The following AGO1 variants were observed in gnomAD, a reference collection of about 807,000 sequenced individuals.
The protein encoded by AGO1 is argonaute RISC component 1.
A neutral mutation model predicts 109.2 loss-of-function variants in AGO1; 11 were observed. The ratio of observed to expected loss-of-function variants is 0.10; its 90% CI spans 0.06 to 0.17. The LOEUF is 0.17. Among genes scored for constraint, AGO1 ranks in the 10% least tolerant of loss-of-function variants. The probability of loss-of-function intolerance (pLI) is 1.00; values close to 1 mark genes in which losing one functional copy is unlikely to be tolerated. For synonymous variants in AGO1, 422 were observed against 418.6 expected, an observed-to-expected ratio of 1.01 and a Z score of -0.10; for missense variants, 574 against 1,140.3, an observed-to-expected ratio of 0.50 and a Z score of 7.15.
At position 35,927,481 on chromosome 1, in the gene AGO1, G is replaced by C. The variant is rs1329790878; in HGVS notation, c.*7874G>C. ...TAATTCTGGGAAGGAAATGCTGACAGAACCGTGTCTGGCAAAAGAGAGACA... is the reference window on the plus strand; with the variant it reads ...TAATTCTGGGAAGGAAATGCTGACACAACCGTGTCTGGCAAAAGAGAGACA... On this transcript the variant is annotated 3_prime_UTR_variant, in exon 19 of 19. Transcript: ENST00000373204. The C allele has an allele frequency of 6.6e-6, 1 of 152,132 alleles. No individual in the cohort carries two copies. Among genetic ancestry groups the C allele is most frequent in the Non-Finnish European group, 1.5e-5 (1 of 68,022 alleles). 9.4% of individuals were successfully genotyped at this position (152,132 alleles called of 1,614,324 possible). A position where few individuals can be genotyped will look rare whatever the true frequency, so the allele number is the denominator to read the frequency against.
intron 12 of AGO1, among the ~76,000 whole-genome samples, chr1:35,911,125 C>G (rs755524383): frequency 6.6e-6 from 1 of 152,074 alleles, no homozygotes; most frequent in East Asian, 1.9e-4. Flanking sequence ...GTCCTTTGAA[C>G]ATGTATAACC....
At chr1:35,881,466 G>T (rs1645036265), upstream of AGO1, among the ~76,000 whole-genome samples, 1 of 152,146 alleles carries the variant, frequency 6.6e-6, no homozygotes. Context: ...GATTACAGGT[G>T]TCTGCCACAA....
At chr1:35,914,097 AG>A in intron 13 of AGO1, 86 bp from the exon 14 acceptor site, 1 of 1,594,564 alleles carries the variant, frequency 6.3e-7, no homozygotes, top group South Asian at 1.1e-5. Flanking sequence ...ATCAGACATA[AG>A]GGGGAGAAGA....
intron 1 of AGO1, among the ~76,000 whole-genome samples, chr1:35,886,899 AGTCTAG>A (rs1167089069): frequency 6.6e-6 from 1 of 152,204 alleles, no homozygotes; most frequent in African/African-American, 2.4e-5. Flanking sequence ...TGAAGAACTC[AGTCTAG>A]GGCAGTGAAG....
intron 12 of AGO1, among the ~76,000 whole-genome samples, chr1:35,909,204 A>C: frequency 6.6e-6 from 1 of 152,196 alleles, no homozygotes; most frequent in East Asian, 1.9e-4. Flanking sequence ...TATTCACTGC[A>C]TGAAGGGTTT....
Position 35,888,596 on chromosome 1 carries a change from C to T in AGO1, c.195C>T (p.Pro65=), listed in dbSNP as rs1321314626. The part of the protein sequence containing the change: ...YEVDIKPDKC[P]RRVNREVVEY... ...TGGACATCAAGCCGGATAAGTGTCC[C>T]CGTAGAGTCAACCGGTAAGTGATGC... Residue 65 remains proline, a synonymous_variant, in exon 2 of 19, where the codon CCC becomes CCT. Transcript: ENST00000373204. This position sits in a 1 kb window ranked among gnomAD's most constrained non-coding sequence, Gnocchi z 4.1. The T allele has an allele frequency of 3.1e-6, 5 of 1,614,186 alleles. No individual in the cohort carries two copies. In the South Asian group the frequency reaches 5.5e-5, roughly 18 times the overall value.
chr1:35,928,811 G>A lies in AGO1; in HGVS notation c.*9204G>A, dbSNP rs185134170. 7.7e-4 allele frequency: 117 copies of A among 152,266 alleles called. 1 individual carries two copies. The highest frequency in any genetic ancestry group is 2.6e-3 in the African/African-American group (108 of 41,548). The allele number at this position is 152,266 out of a possible 1,614,324, so 9.4% of individuals were successfully genotyped here. A position where few individuals can be genotyped will look rare whatever the true frequency, so the allele number is the denominator to read the frequency against. On this transcript the variant is annotated 3_prime_UTR_variant, in exon 19 of 19. Coordinates refer to ENST00000373204, the MANE Select transcript of AGO1 (RefSeq NM_012199.5). ...TTTATACTTTTGTATCATATTTTAGGAAATTTTGCACTGGGTATTTGATGG... is the reference window on the plus strand; with the variant it reads ...TTTATACTTTTGTATCATATTTTAGAAAATTTTGCACTGGGTATTTGATGG...
At position 35,925,013 on chromosome 1, in the gene AGO1, GAA is replaced by G. The variant is rs1006832383; in HGVS notation, c.*5408_*5409del. On this transcript the variant is annotated 3_prime_UTR_variant, in exon 19 of 19. Coordinates refer to ENST00000373204, the MANE Select transcript of AGO1 (RefSeq NM_012199.5). ...GAGAAACTAGTATACAGCCCCCTAA[GAA>G]ACTCAATTTAAAGGTTCGGGGGAGG... The G allele has an allele frequency of 7.9e-5, 12 of 152,108 alleles. No homozygotes were observed. The highest frequency in any genetic ancestry group is 2.7e-4 in the African/African-American group (11 of 41,390). 9.4% of individuals were successfully genotyped at this position (152,108 alleles called of 1,614,324 possible). A position where few individuals can be genotyped will look rare whatever the true frequency, so the allele number is the denominator to read the frequency against.
chr1:35,903,299 C>G (rs1438054733), intron 11 of AGO1, among the ~76,000 whole-genome samples: 1 of 140,308 alleles, frequency 7.1e-6, no homozygotes, highest in African/African-American at 2.9e-5. Context: ...AGCCACTGTG[C>G]CCGGCCTTTT....
intron 12 of AGO1, among the ~76,000 whole-genome samples, chr1:35,911,029 G>A (rs1211070609): frequency 6.6e-6 from 1 of 152,144 alleles, no homozygotes; most frequent in African/African-American, 2.4e-5. Context: ...TCGTGCCACT[G>A]CACTCCAGCC....
rs1645889020 is a variant in AGO1 at position 35,924,405 on chromosome 1, G to A, written c.*4798G>A. The A allele has an allele frequency of 6.6e-6, 1 of 152,410 alleles. No individual in the cohort carries two copies. The highest frequency in any genetic ancestry group is 2.4e-5 in the African/African-American group (1 of 41,404). 9.4% of individuals were successfully genotyped at this position (152,410 alleles called of 1,614,324 possible). On this transcript the variant is annotated 3_prime_UTR_variant, in exon 19 of 19. Coordinates refer to ENST00000373204, the MANE Select transcript of AGO1 (RefSeq NM_012199.5). The stretch of plus-strand genomic sequence containing the variant: ...AATAATACTGTAGATTGTTATGCAG[G>A]AATACTTCACAGAGCCTTCATTTAT...
At position 35,901,591 on chromosome 1, in the gene AGO1, C is replaced by T. The variant is rs780563736; in HGVS notation, c.1138C>T (p.Leu380=). 1.2e-6 allele frequency: 2 copies of T among 1,614,134 alleles called. No individual in the cohort carries two copies. Among genetic ancestry groups the T allele is most frequent in the South Asian group, 1.1e-5 (1 of 91,068 alleles). ...APDRQEEISR[L]MKNASYNLDP... ...AGACAGACAGGAGGAGATCAGTCGC[C>T]TGGTCAGTGGGCCTACTCATTTGCT... The change falls in exon 9 of 19, where the codon CTG becomes TTG. Residue 380 remains leucine (L), a splice_region_variant and synonymous_variant. Transcript: ENST00000373204. The surrounding 1 kb of genome is among the most constrained non-coding windows in gnomAD (Gnocchi z 4.8).
At chr1:35,880,861 T>C (rs1571335294), upstream of AGO1, among the ~76,000 whole-genome samples, 1 of 152,108 alleles carries the variant, frequency 6.6e-6, no homozygotes, top group South Asian at 2.1e-4. Flanking sequence ...GGTTTCACCA[T>C]GTTGGCCAGG....
chr1:35,909,722 C>CT (rs1360679873), intron 12 of AGO1, among the ~76,000 whole-genome samples: 7 of 152,188 alleles, frequency 4.6e-5, no homozygotes, highest in Non-Finnish European at 7.3e-5. Context: ...TGATTCTGCT[C>CT]TGAAATCTTT....
chr1:35,906,823 AAAC>A, intron 11 of AGO1, 109 bp from the exon 12 acceptor site: 1 of 949,412 alleles, frequency 1.1e-6, no homozygotes, highest in Non-Finnish European at 1.5e-6. Context: ...AAAAAAAAAA[AAAC>A]CAATCTCTCA....
At chr1:35,889,718 G>A (rs1001176203) in intron 2 of AGO1, among the ~76,000 whole-genome samples, 1 of 151,988 alleles carries the variant, frequency 6.6e-6, no homozygotes, top group Non-Finnish European at 1.5e-5. Flanking sequence ...CCAAGCTGGA[G>A]TGCAGTGGCG....
At chr1:35,870,562 G>A (rs1455773625) in intron 1 of AGO1, among the ~76,000 whole-genome samples, 10 of 152,174 alleles carry the variant, frequency 6.6e-5, no homozygotes, top group Non-Finnish European at 1.5e-4. Context: ...GATTACAGGC[G>A]TGAGCCACCG....
chr1:35,908,845 G>A (rs1218224761), intron 12 of AGO1, among the ~76,000 whole-genome samples: 3 of 141,258 alleles, frequency 2.1e-5, no homozygotes, highest in African/African-American at 5.3e-5. Context: ...TTGAGACGGA[G>A]TCTTGCTCTG....
At chr1:35,900,932 T>TATG (rs1198152072) in intron 8 of AGO1, among the ~76,000 whole-genome samples, 2 of 150,770 alleles carry the variant, frequency 1.3e-5, no homozygotes, top group African/African-American at 4.9e-5. Context: ...ATAAATAAAA[T>TATG]ATGAGACCTG....
Sources: allele counts gnomAD v4.1 joint callset (sites outside exome capture counted in the v4.1 genomes callset), GRCh38; gene constraint gnomAD v4.1.1; non-coding constraint Gnocchi (gnomAD v3.1); transcripts MANE v1.5; gene names NCBI Gene and HGNC (gene_info 2026-07-23, HGNC 2026-07-21).